Variants in DGKH observed in about 807,000 individuals in gnomAD.
DGKH encodes the protein diacylglycerol kinase eta.
Under a neutral mutation model 159.3 loss-of-function variants are expected in DGKH, and 90 were observed. That is an observed-to-expected ratio of 0.57 (90% CI 0.48 to 0.67). The LOEUF is 0.67. Among genes scored for constraint, DGKH ranks in the 30% least tolerant of loss-of-function variants. The pLI is 0.00. For missense variants in DGKH, 1,181 were observed against 1,506.1 expected (o/e 0.78, Z 3.57); for synonymous variants, 536 against 553.8 (o/e 0.97, Z 0.45).
intron 1 of DGKH, among the ~76,000 whole-genome samples, chr13:42,043,449 C>T (rs1880632245): frequency 6.6e-6 from 1 of 151,370 alleles, no homozygotes; most frequent in African/African-American, 2.4e-5. Flanking sequence ...GAGGGATCCT[C>T]CCGTCTCAGC....
At chr13:42,081,917 T>G (rs2137721562) in intron 1 of DGKH, among the ~76,000 whole-genome samples, 2 of 152,250 alleles carry the variant, frequency 1.3e-5, no homozygotes, top group South Asian at 4.2e-4. Flanking sequence ...GTGGACAGAG[T>G]TACATCTTAT....
In DGKH at chr13:42,184,875, GTT is replaced by G. The variant is rs67713658; in HGVS notation, c.1539-2162_1539-2161del. On this transcript the variant is annotated intron_variant, in intron 13 of 29. Transcript: ENST00000337343. Reference sequence around the variant, plus strand: ...GAGCAAGACCCCCATCTCTAAAAATGTTTTTTTTTTTTTAAAAAAAAAGTTCT... The same window carrying G: ...GAGCAAGACCCCCATCTCTAAAAATGTTTTTTTTTTTAAAAAAAAAGTTCT... 4.8e-4 allele frequency among the ~76,000 whole-genome samples: 56 copies of G among 115,758 alleles called. 1 individual carries two copies. The highest frequency in any genetic ancestry group is 1.3e-3 in the African/African-American group (34 of 25,842). The allele number at this position is 115,758 out of a possible 152,430, so 75.9% of individuals were successfully genotyped here. A position where few individuals can be genotyped will look rare whatever the true frequency, so the allele number is the denominator to read the frequency against.
intron 13 of DGKH, among the ~76,000 whole-genome samples, chr13:42,179,363 T>A (rs1956688637): frequency 6.6e-6 from 1 of 152,262 alleles, no homozygotes; most frequent in African/African-American, 2.4e-5. Flanking sequence ...AGACTGTAAC[T>A]GTCATCTGTA....
intron 1 of DGKH, among the ~76,000 whole-genome samples, chr13:42,084,726 G>A (rs1470701954): frequency 6.6e-6 from 1 of 150,956 alleles, no homozygotes; most frequent in Non-Finnish European, 1.5e-5. Context: ...TTCCAGGCTA[G>A]TAGTATAAAC....
chr13:42,100,032 T>G (rs1954624581), intron 1 of DGKH, among the ~76,000 whole-genome samples: 1 of 152,210 alleles, frequency 6.6e-6, no homozygotes, highest in Admixed American at 6.5e-5. Flanking sequence ...GGGCCACCAG[T>G]CCGTGGCCTG....
intron 14 of DGKH, among the ~76,000 whole-genome samples, chr13:42,187,386 T>C (rs12877348): frequency 0.12 from 18,164 of 151,998 alleles, 1,548 homozygotes; most frequent in East Asian, 0.4. Flanking sequence ...CAGTGATTGA[T>C]TTTTTTTGGA....
At chr13:42,098,437 A>G (rs1209737033) in intron 1 of DGKH, among the ~76,000 whole-genome samples, 1 of 152,264 alleles carries the variant, frequency 6.6e-6, no homozygotes, top group East Asian at 1.9e-4. Flanking sequence ...CAGCGAGCCA[A>G]GATCATGCCA....
intron 13 of DGKH, among the ~76,000 whole-genome samples, chr13:42,180,419 T>A (rs1457735937): frequency 1.3e-5 from 2 of 152,242 alleles, no homozygotes; most frequent in Non-Finnish European, 2.9e-5. Flanking sequence ...TTCCTATTTG[T>A]GGGGGATATG....
intron 3 of DGKH, among the ~76,000 whole-genome samples, chr13:42,135,444 C>T (rs1255438073): frequency 2.2e-5 from 3 of 136,476 alleles, no homozygotes; most frequent in Admixed American, 8.5e-5. Flanking sequence ...AAGCCAAGAT[C>T]GCACCACTGC....
At chr13:42,128,236 C>T (rs1283293203) in intron 2 of DGKH, among the ~76,000 whole-genome samples, 1 of 151,940 alleles carries the variant, frequency 6.6e-6, no homozygotes, top group African/African-American at 2.4e-5. Context: ...TTTGTAAAAA[C>T]TCGTATTTTA....
intron 26 of DGKH, among the ~76,000 whole-genome samples, chr13:42,218,857 A>G (rs918857665): frequency 2.0e-5 from 3 of 152,174 alleles, no homozygotes; most frequent in Non-Finnish European, 4.4e-5. Flanking sequence ...TAAGTAGAAT[A>G]GTAAGACTGC....
At chr13:42,081,699 A>G (rs1435513572) in intron 1 of DGKH, among the ~76,000 whole-genome samples, 4 of 152,130 alleles carry the variant, frequency 2.6e-5, no homozygotes, top group Non-Finnish European at 4.4e-5. Flanking sequence ...AATTCTTCTG[A>G]TATGTCCCCA....
intron 26 of DGKH, among the ~76,000 whole-genome samples, chr13:42,216,089 A>C (rs1218345396): frequency 6.6e-6 from 1 of 152,254 alleles, no homozygotes; most frequent in Admixed American, 6.5e-5. Flanking sequence ...TTTTCTAGAC[A>C]CAGTGTTTCA....
chr13:42,232,834 T>A lies in DGKH; in HGVS notation c.*3646T>A, dbSNP rs1958330865. On this transcript the variant is annotated 3_prime_UTR_variant, in exon 30 of 30. Transcript: ENST00000337343. ...CTACATGTGGCTATCTAAATTTAAATGTAATTTAATTAAGCCAGGCATAAT... is the reference window on the plus strand; with the variant it reads ...CTACATGTGGCTATCTAAATTTAAAAGTAATTTAATTAAGCCAGGCATAAT... 6.6e-6 allele frequency: 1 copy of A among 152,228 alleles called. No homozygotes were observed. Among genetic ancestry groups the A allele is most frequent in the Non-Finnish European group, 1.5e-5 (1 of 68,032 alleles). 9.4% of individuals were successfully genotyped at this position (152,228 alleles called of 1,614,324 possible).
At chr13:42,146,092 C>T (rs1289783633) in intron 3 of DGKH, among the ~76,000 whole-genome samples, 2 of 149,184 alleles carry the variant, frequency 1.3e-5, no homozygotes, top group South Asian at 2.1e-4. Flanking sequence ...GCTGTCAGTA[C>T]AAAGCAGTTA....
intron 1 of DGKH, among the ~76,000 whole-genome samples, chr13:42,110,792 GAA>G (rs561452842): frequency 1.3e-5 from 2 of 152,310 alleles, no homozygotes; most frequent in African/African-American, 4.8e-5. Context: ...TATATTTTAT[GAA>G]AAAACTGTTA....
intron 1 of DGKH, chr13:42,071,021 G>A: frequency 7.8e-7 from 1 of 1,277,484 alleles, no homozygotes; most frequent in Non-Finnish European, 1.1e-6. Flanking sequence ...CAACCCAGTG[G>A]TTTTAAGTCC....
intron 16 of DGKH, among the ~76,000 whole-genome samples, chr13:42,193,656 G>T (rs984497334): frequency 6.6e-6 from 1 of 152,222 alleles, no homozygotes; most frequent in South Asian, 2.1e-4. Context: ...TCTGCTTTTT[G>T]TCAGAGTTGA....
At chr13:42,206,211 T>A in intron 21 of DGKH, 65 bp downstream of exon 21, 1 of 1,060,336 alleles carries the variant, frequency 9.4e-7, no homozygotes, top group Non-Finnish European at 1.3e-6. Context: ...TAATTTGCTT[T>A]TGTAAATGGG....
Sources: gnomAD v4.1 joint callset for allele counts (sites outside exome capture counted in the v4.1 genomes callset) on GRCh38, gnomAD v4.1.1 for gene constraint, MANE v1.5 for transcripts, NCBI Gene and HGNC (gene_info 2026-07-23, HGNC 2026-07-21) for gene names.